Variants in TTC39C observed in about 807,000 individuals in gnomAD.
TTC39C encodes the protein tetratricopeptide repeat domain 39C, also known as tetratricopeptide repeat protein 39C.
A neutral mutation model predicts 76.3 loss-of-function variants in TTC39C; 33 were observed. The ratio of observed to expected loss-of-function variants is 0.43; its 90% CI spans 0.33 to 0.58. TTC39C has a LOEUF of 0.58. TTC39C is among the 20% of genes least tolerant of loss of function. The probability of loss-of-function intolerance (pLI) is 0.04; values close to 1 mark genes in which losing one functional copy is unlikely to be tolerated. For synonymous variants in TTC39C, 254 were observed against 260.6 expected, an observed-to-expected ratio of 0.97 and a Z score of 0.24; for missense variants, 595 against 701.4, an observed-to-expected ratio of 0.85 and a Z score of 1.71.
Position 24,131,895 on chromosome 18 carries a change from G to C in TTC39C, c.1637G>C (p.Gly546Ala). The C allele has an allele frequency of 6.2e-7, 1 of 1,612,704 alleles. No homozygotes were observed. Among genetic ancestry groups the C allele is most frequent in the Non-Finnish European group, 8.5e-7 (1 of 1,179,622 alleles). Residue 546 changes from glycine to alanine, a missense_variant, in exon 13 of 14, where the codon GGC (glycine) becomes GCC (alanine). Coordinates refer to ENST00000317571, the MANE Select transcript of TTC39C (RefSeq NM_001135993.2). ...LLDKPETVGR[G>A]RALLLQAKED... ...TTTTTCTTATAGACTGTAGGAAGAG[G>C]CAGAGCTCTACTTCTTCAAGCAAAG...
chr18:24,105,760 G>A (rs1037605717), intron 6 of TTC39C, among the ~76,000 whole-genome samples: 56 of 152,216 alleles, frequency 3.7e-4, no homozygotes, highest in Admixed American at 2.0e-4. Flanking sequence ...TGGTGTCTTC[G>A]TTTCCCACGG....
chr18:24,080,975 A>G (rs1269191549), intron 5 of TTC39C, 36 bp downstream of exon 5: 1 of 1,535,556 alleles, frequency 6.5e-7, no homozygotes, highest in East Asian at 2.3e-5. Flanking sequence ...GGTAGATAAT[A>G]TAGTGTTGAA....
At chr18:24,081,079 A>G (rs1053563553) in intron 5 of TTC39C, 140 bp downstream of exon 5, 18 of 734,030 alleles carry the variant, frequency 2.5e-5, no homozygotes, top group African/African-American at 2.3e-4. Flanking sequence ...TTTCAATGCA[A>G]CACCAAGGAC....
intron 6 of TTC39C, among the ~76,000 whole-genome samples, chr18:24,106,779 G>GTCTCCTGCCTCAGCCTCCTAAGCT: frequency 6.6e-6 from 1 of 152,300 alleles, no homozygotes; most frequent in South Asian, 2.1e-4. Flanking sequence ...CCACCTCCTG[G>GTCTCCTGCCTCAGCCTCCTAAGCT]GTTCAAGCAA....
chr18:24,016,373 C>T (rs1471654321), intron 1 of TTC39C, among the ~76,000 whole-genome samples: 3 of 152,070 alleles, frequency 2.0e-5, no homozygotes, highest in Non-Finnish European at 4.4e-5. Context: ...TTTTAAGAAG[C>T]CCTCAGGAAA....
At chr18:24,057,796 G>C (rs1473715700) in intron 1 of TTC39C, among the ~76,000 whole-genome samples, 1 of 152,196 alleles carries the variant, frequency 6.6e-6, no homozygotes, top group African/African-American at 2.4e-5. Context: ...GGTTTACCCA[G>C]TAATCCCATG....
At chr18:23,999,370 G>A (rs2083294118) in intron 1 of TTC39C, among the ~76,000 whole-genome samples, 1 of 152,266 alleles carries the variant, frequency 6.6e-6, no homozygotes, top group East Asian at 1.9e-4. Context: ...TCACAGCCAC[G>A]CAGGACTCTC....
At chr18:24,019,103 A>G (rs1458755791) in intron 1 of TTC39C, among the ~76,000 whole-genome samples, 2 of 152,086 alleles carry the variant, frequency 1.3e-5, no homozygotes, top group Admixed American at 6.6e-5. Context: ...TTAACAGAGG[A>G]CTGGCAGTAA....
rs1362616154 is a variant in TTC39C at position 24,014,761 on chromosome 18, C to T, written c.-111C>T. The T allele has an allele frequency of 6.0e-6, 7 of 1,160,320 alleles. No homozygotes were observed. The East Asian group carries it at 1.7e-4, about 28-fold the overall frequency. 71.9% of individuals were successfully genotyped at this position (1,160,320 alleles called of 1,614,324 possible). A position where few individuals can be genotyped will look rare whatever the true frequency, so the allele number is the denominator to read the frequency against. ...CGTCTTCTCCCCTCCCCTCCCCTCC[C>T]CTCCCGGCTCCGCTTGGCTCCGGGC... On this transcript the variant is annotated 5_prime_UTR_variant, in exon 1 of 14. Coordinates refer to ENST00000317571, the MANE Select transcript of TTC39C (RefSeq NM_001135993.2).
At position 24,123,999 on chromosome 18, in the gene TTC39C, C is replaced by T. The variant is rs933859208; in HGVS notation, c.1296+56C>T. ...ACTTATGATGGGCATTTGTAACCAA[C>T]ACTGCCTTGGCAAGCTTTAGGAAAT... On this transcript the variant is annotated intron_variant, in intron 9 of 13. Transcript: ENST00000317571. The T allele has an allele frequency of 2.2e-6, 3 of 1,339,722 alleles. No homozygotes were observed. The African/African-American group carries it at 4.5e-5, about 20-fold the overall frequency. 83.0% of individuals were successfully genotyped at this position (1,339,722 alleles called of 1,614,324 possible). A position where few individuals can be genotyped will look rare whatever the true frequency, so the allele number is the denominator to read the frequency against.
At chr18:24,114,149 G>T (rs1020982087) in intron 6 of TTC39C, 2 of 257,228 alleles carry the variant, frequency 7.8e-6, no homozygotes, top group East Asian at 2.2e-4. Flanking sequence ...GTAACAAGGG[G>T]CTAGATTAGC....
At chr18:24,034,157 T>C (rs981579303) in intron 1 of TTC39C, among the ~76,000 whole-genome samples, 2 of 152,136 alleles carry the variant, frequency 1.3e-5, no homozygotes, top group African/African-American at 4.8e-5. Context: ...CAAGAAAAAC[T>C]TCCCATTCAA....
At chr18:24,108,966 C>G (rs1345000221) in intron 6 of TTC39C, among the ~76,000 whole-genome samples, 3 of 152,104 alleles carry the variant, frequency 2.0e-5, no homozygotes, top group East Asian at 1.9e-4. Flanking sequence ...TGGATTATTT[C>G]CCACCACTAT....
chr18:24,088,434 T>C (rs2084473588), intron 6 of TTC39C, among the ~76,000 whole-genome samples: 1 of 152,198 alleles, frequency 6.6e-6, no homozygotes, highest in African/African-American at 2.4e-5. Flanking sequence ...GAGCTCCAGA[T>C]ATATGGGCAG....
chr18:24,099,005 ATGTGTGTGTGTGTGTGTGTGTG>A (rs71373362), intron 6 of TTC39C, among the ~76,000 whole-genome samples: 1 of 130,726 alleles, frequency 7.6e-6, no homozygotes, highest in Non-Finnish European at 1.6e-5. Context: ...AGTTAGAGGA[ATGTGTGTGTGTGTGTGTGTGTG>A]TGTGTGTGTA....
chr18:24,059,178 C>G (rs2084057144), intron 1 of TTC39C, among the ~76,000 whole-genome samples: 1 of 151,920 alleles, frequency 6.6e-6, no homozygotes, highest in Non-Finnish European at 1.5e-5. Context: ...TTTGGCTATT[C>G]TAAATTATTT....
At chr18:24,058,118 C>T (rs2084040495) in intron 1 of TTC39C, among the ~76,000 whole-genome samples, 1 of 152,140 alleles carries the variant, frequency 6.6e-6, no homozygotes, top group African/African-American at 2.4e-5. Flanking sequence ...ACTGAGTGCA[C>T]TTGAACACAA....
chr18:24,024,971 C>T (rs2083580221), intron 1 of TTC39C, among the ~76,000 whole-genome samples: 1 of 152,234 alleles, frequency 6.6e-6, no homozygotes, highest in Middle Eastern at 3.4e-3. Context: ...TGGGTTCAGG[C>T]GATTCTCGTG....
At chr18:24,075,120 G>A (rs2084286661) in intron 4 of TTC39C, among the ~76,000 whole-genome samples, 1 of 151,814 alleles carries the variant, frequency 6.6e-6, no homozygotes, top group Non-Finnish European at 1.5e-5. Context: ...TGGACACAGG[G>A]TGGGGAACAT....
Sources: gnomAD v4.1 joint callset for allele counts (sites outside exome capture counted in the v4.1 genomes callset) on GRCh38, gnomAD v4.1.1 for gene constraint, MANE v1.5 for transcripts, NCBI Gene and HGNC (gene_info 2026-07-23, HGNC 2026-07-21) for gene names.